The following MCTP1 variants were observed in gnomAD, a reference collection of about 807,000 sequenced individuals.
MCTP1 encodes multiple C2 and transmembrane domain containing 1.
A neutral mutation model predicts 120.6 loss-of-function variants in MCTP1; 69 were observed. The ratio of observed to expected loss-of-function variants is 0.57; its 90% CI spans 0.47 to 0.70. The LOEUF (loss-of-function observed/expected upper bound fraction) is 0.70, where lower values mean the gene tolerates loss of function less well. Among genes scored for constraint, MCTP1 ranks in the 30% least tolerant of loss-of-function variants. The pLI, the probability that MCTP1 is intolerant of heterozygous loss-of-function variation, is 0.00. For synonymous variants in MCTP1, 529 were observed against 493.1 expected (o/e 1.07, Z -0.96); for missense variants, 1,203 against 1,248.8 (o/e 0.96, Z 0.55).
At chr5:94,773,442 C>T (rs572032807) in intron 19 of MCTP1, among the ~76,000 whole-genome samples, 46 of 152,210 alleles carry the variant, frequency 3.0e-4, no homozygotes, top group African/African-American at 9.6e-4. Flanking sequence ...TGGGTCTATG[C>T]GGTTTTGATA....
rs1337212157 is a variant in MCTP1 at position 94,894,839 on chromosome 5, G to C, written c.1653-4C>G. ...GGCTGACAGGTCGACCTGGCACCTA[G>C]AGACAAATGTTTTGAATCAGCAAGT... On this transcript the variant is annotated splice_region_variant and splice_polypyrimidine_tract_variant and intron_variant, in intron 10 of 22. Coordinates refer to ENST00000515393, the MANE Select transcript of MCTP1 (RefSeq NM_024717.7). The C allele has an allele frequency of 1.3e-6, 2 of 1,523,370 alleles. No homozygotes were observed. Among genetic ancestry groups the C allele is most frequent in the East Asian group, 4.6e-5 (2 of 43,416 alleles). 94.4% of individuals were successfully genotyped at this position (1,523,370 alleles called of 1,614,324 possible). A position where few individuals can be genotyped will look rare whatever the true frequency, so the allele number is the denominator to read the frequency against.
intron 1 of MCTP1, among the ~76,000 whole-genome samples, chr5:95,143,072 T>A (rs1212247574): frequency 6.6e-6 from 1 of 152,102 alleles, no homozygotes; most frequent in Non-Finnish European, 1.5e-5. Flanking sequence ...CTAAGAAGCA[T>A]CCACTTTCAC....
chr5:95,234,775 A>G (rs535396385), intron 1 of MCTP1, among the ~76,000 whole-genome samples: 2 of 152,300 alleles, frequency 1.3e-5, no homozygotes, highest in South Asian at 4.1e-4. Context: ...GCAAACTCCC[A>G]AAGCTGACTT....
chr5:94,858,071 C>T lies in MCTP1; in HGVS notation c.2436+10262G>A, dbSNP rs574127944. Among the ~76,000 whole-genome samples, 47 of 151,756 alleles carry T rather than the reference C, an allele frequency of 3.1e-4. 1 individual carries two copies. In the South Asian group the frequency reaches 7.3e-3, roughly 23 times the overall value. ...TTTAGTCTAATGAAAATTTAGGCCA[C>T]GGACAGGTTCATCTTAGCTACCATT... On this transcript the variant is annotated intron_variant, in intron 17 of 22. Coordinates refer to ENST00000515393, the MANE Select transcript of MCTP1 (RefSeq NM_024717.7).
chr5:95,243,418 A>C (rs185927071), intron 1 of MCTP1, among the ~76,000 whole-genome samples: 1 of 152,166 alleles, frequency 6.6e-6, no homozygotes, highest in Admixed American at 6.5e-5. Context: ...AGCACTCTGA[A>C]AAGAGTCATC....
intron 19 of MCTP1, among the ~76,000 whole-genome samples, chr5:94,736,146 A>G (rs1418828620): frequency 6.6e-6 from 1 of 152,198 alleles, no homozygotes; most frequent in African/African-American, 2.4e-5. Context: ...GGCCACCTCA[A>G]CCACCACTAT....
chr5:94,932,093 G>A (rs188859082), intron 5 of MCTP1, 102 bp from the exon 6 acceptor site: 296 of 753,750 alleles, frequency 3.9e-4, no homozygotes, highest in Non-Finnish European at 5.3e-4. Context: ...TTGAAACAGC[G>A]AACAGTTCCT....
Position 94,953,247 on chromosome 5 carries a change from T to C in MCTP1, c.953A>G (p.Asp318Gly), listed in dbSNP as rs1276283025. The C allele has an allele frequency of 6.2e-7, 1 of 1,612,754 alleles. No individual in the cohort carries two copies. ...VWEEKACILV[D>G]HLREPLYIKV... The stretch of plus-strand genomic sequence containing the variant: ...TATATACAATGGCTCCCTAAGATGA[T>C]CAACCAGAATACAAGCTTTTTCTTC... The change falls in exon 3 of 23, where the codon GAT becomes GGT. Residue 318 changes from aspartate to glycine, a missense_variant. Physicochemically the swap from Asp to Gly is moderately conservative, Grantham distance 94 (BLOSUM62 -1). This residue lies in a region of MCTP1 where 740 missense variants were observed against 871.1 expected (regional missense o/e 0.85). Coordinates refer to ENST00000515393, the MANE Select transcript of MCTP1 (RefSeq NM_024717.7).
At chr5:95,188,978 C>T (rs1582479612) in intron 1 of MCTP1, among the ~76,000 whole-genome samples, 1 of 152,092 alleles carries the variant, frequency 6.6e-6, no homozygotes, top group Non-Finnish European at 1.5e-5. Flanking sequence ...GTCTTAAAAT[C>T]ACACGTGAAT....
At chr5:95,282,725 TAAGG>T (rs1760426672) in intron 1 of MCTP1, among the ~76,000 whole-genome samples, 1 of 152,206 alleles carries the variant, frequency 6.6e-6, no homozygotes, top group Admixed American at 6.5e-5. Context: ...TTTTGTTTAT[TAAGG>T]AACAAAACAT....
rs1562232022 is a variant in MCTP1 at position 95,201,463 on chromosome 5, G to GTTTT, written c.720+82392_720+82393insAAAA. On this transcript the variant is annotated intron_variant, in intron 1 of 22. Transcript: ENST00000515393. ...AAGGGATAAAATGTAAAGGAAAAGTGGTTTTTTTTTTTTTTTTTTTTTTTT... is the reference window on the plus strand; with the variant it reads ...AAGGGATAAAATGTAAAGGAAAAGTGTTTTGTTTTTTTTTTTTTTTTTTTTTTTT... 6.6e-5 allele frequency among the ~76,000 whole-genome samples: 8 copies of GTTTT among 120,682 alleles called. 1 individual carries two copies. The highest frequency in any genetic ancestry group is 1.1e-4 in the Non-Finnish European group (6 of 56,672). The allele number at this position is 120,682 out of a possible 152,430, so 79.2% of individuals were successfully genotyped here.
At chr5:94,759,651 G>A (rs1770808204) in intron 19 of MCTP1, among the ~76,000 whole-genome samples, 1 of 152,020 alleles carries the variant, frequency 6.6e-6, no homozygotes, top group African/African-American at 2.4e-5. Context: ...GATGGGCTTT[G>A]ACTTTTTCTG....
In MCTP1 at chr5:94,724,712, C is replaced by T. The variant is rs568264642; in HGVS notation, c.2611-9826G>A. Among the ~76,000 whole-genome samples, 5 of 152,232 alleles carry T rather than the reference C, an allele frequency of 3.3e-5. No homozygotes were observed. In the South Asian group the frequency reaches 1.0e-3, roughly 32 times the overall value. ...TTCTGGAATAGATCTCTCAAAGTTACCCAGGGACCTGTATTTGAAAGATCT... is the reference window on the plus strand; with the variant it reads ...TTCTGGAATAGATCTCTCAAAGTTATCCAGGGACCTGTATTTGAAAGATCT... On this transcript the variant is annotated intron_variant, in intron 19 of 22. Transcript: ENST00000515393.
chr5:95,128,074 T>C (rs1240330641), intron 1 of MCTP1, among the ~76,000 whole-genome samples: 1 of 152,232 alleles, frequency 6.6e-6, no homozygotes, highest in African/African-American at 2.4e-5. Context: ...CAGTTCACTC[T>C]GGCTCCTATG....
At chr5:94,894,926 A>G in intron 10 of MCTP1, 91 bp from the exon 11 acceptor site, 3 of 763,304 alleles carry the variant, frequency 3.9e-6, no homozygotes, top group Non-Finnish European at 6.1e-6. Flanking sequence ...ACATAAATCA[A>G]TAGAAATATT....
intron 2 of MCTP1, among the ~76,000 whole-genome samples, chr5:94,966,804 A>G (rs1825724590): frequency 6.6e-6 from 1 of 152,056 alleles, no homozygotes; most frequent in African/African-American, 2.4e-5. Context: ...CGAAAAAAAA[A>G]AAACAACAAA....
intron 19 of MCTP1, among the ~76,000 whole-genome samples, chr5:94,759,020 C>T (rs769086356): frequency 5.9e-5 from 9 of 152,220 alleles, no homozygotes; most frequent in South Asian, 2.1e-4. Context: ...ACTTATAGTA[C>T]ATTTTCAAGG....
At chr5:95,244,641 T>C (rs1291430627) in intron 1 of MCTP1, among the ~76,000 whole-genome samples, 2 of 152,176 alleles carry the variant, frequency 1.3e-5, no homozygotes, top group Non-Finnish European at 2.9e-5. Context: ...ACATCTGCCA[T>C]TGCTGAGGCT....
chr5:94,729,619 ACAAG>A (rs1762766578), intron 19 of MCTP1, among the ~76,000 whole-genome samples: 2 of 152,334 alleles, frequency 1.3e-5, no homozygotes, highest in African/African-American at 4.8e-5. Context: ...CTGGAAGTAT[ACAAG>A]CAAGAACCAG....
Sources: gnomAD v4.1 joint callset for allele counts (sites outside exome capture counted in the v4.1 genomes callset) on GRCh38, gnomAD v4.1.1 for gene constraint, gnomAD v4.1.1 regional missense constraint, MANE v1.5 for transcripts, NCBI Gene and HGNC (gene_info 2026-07-23, HGNC 2026-07-21) for gene names.